GPHN: variants seen among roughly 807,000 people sequenced by gnomAD.
GPHN encodes the protein gephyrin.
A neutral mutation model predicts 95.5 loss-of-function variants in GPHN; 17 were observed. The ratio of observed to expected loss-of-function variants is 0.18; its 90% CI spans 0.12 to 0.27. The LOEUF is 0.27. GPHN is among the 10% of genes least tolerant of loss of function. GPHN has a pLI of 1.00. For synonymous variants in GPHN, 320 were observed against 322.5 expected, an observed-to-expected ratio of 0.99 and a Z score of 0.08; for missense variants, 660 against 978.1, an observed-to-expected ratio of 0.67 and a Z score of 4.34.
At chr14:66,674,688 C>T (rs9671762) in intron 1 of GPHN, among the ~76,000 whole-genome samples, 47,304 of 152,022 alleles carry the variant, frequency 0.31, 11,160 homozygotes, top group African/African-American at 0.63. Context: ...TATGTATATA[C>T]GACACATCAT....
At chr14:66,649,069 C>T (rs929016906) in intron 1 of GPHN, among the ~76,000 whole-genome samples, 14 of 152,174 alleles carry the variant, frequency 9.2e-5, no homozygotes, top group Admixed American at 2.6e-4. Context: ...TGGTGGCTCA[C>T]GCCTGTAATC....
chr14:66,887,765 T>A lies in GPHN; in HGVS notation c.389+7732T>A, dbSNP rs551867020. Among the ~76,000 whole-genome samples, 8 of 152,244 alleles carry A rather than the reference T, an allele frequency of 5.3e-5. No homozygotes were observed. The South Asian group carries it at 1.7e-3, about 32-fold the overall frequency. On this transcript the variant is annotated intron_variant, in intron 5 of 22. Coordinates refer to ENST00000478722, the MANE Select transcript of GPHN (RefSeq NM_020806.5). ...ACAATTTGAAGAGACAAAGCAAGCA[T>A]CAGAAGTAGACATGGCAGGAATGTT... is the stretch of plus-strand genomic sequence containing the variant.
chr14:67,648,254 G>A, the GPHN span: 1 of 1,502,988 alleles, frequency 6.7e-7, no homozygotes, highest in African/African-American at 1.4e-5. Context: ...GCCTGCAAAG[G>A]ATCTTTTCTG....
chr14:66,823,584 A>G lies in GPHN; in HGVS notation c.202-890A>G, dbSNP rs568885394. 3.0e-4 allele frequency among the ~76,000 whole-genome samples: 46 copies of G among 152,294 alleles called. 1 individual carries two copies. In the South Asian group the frequency reaches 7.3e-3, roughly 24 times the overall value. On this transcript the variant is annotated intron_variant, in intron 3 of 22. Transcript: ENST00000478722. Reference sequence around the variant, plus strand: ...GCCATTAATTAATCATTGCACAGAAAAGTTCCCTTCATTTGGAGCTCTGAG... The same window carrying G: ...GCCATTAATTAATCATTGCACAGAAGAGTTCCCTTCATTTGGAGCTCTGAG...
At chr14:67,641,571 T>G in the GPHN span, among the ~76,000 whole-genome samples, 1 of 152,244 alleles carries the variant, frequency 6.6e-6, no homozygotes, top group Non-Finnish European at 1.5e-5. Context: ...ATGCCTGGGA[T>G]CTTGTAAATA....
At chr14:67,063,748 A>T (rs1695814725) in intron 11 of GPHN, among the ~76,000 whole-genome samples, 1 of 152,166 alleles carries the variant, frequency 6.6e-6, no homozygotes, top group Non-Finnish European at 1.5e-5. Context: ...TTATTGGTGT[A>T]TAGGAATGCT....
chr14:67,121,445 A>G (rs1028705445), intron 16 of GPHN, among the ~76,000 whole-genome samples: 1 of 152,150 alleles, frequency 6.6e-6, no homozygotes, highest in African/African-American at 2.4e-5. Context: ...CTGAATGTTC[A>G]TTATCTCACT....
Position 66,523,566 on chromosome 14 carries a change from T to G in GPHN, c.64+14975T>G, listed in dbSNP as rs75468917. On this transcript the variant is annotated intron_variant, in intron 1 of 22. Transcript: ENST00000478722. ...GATACTCAGAATAGTAGGTGGGCTC[T>G]GGATTAGACCACCTGGGTTTATACC... is the stretch of plus-strand genomic sequence containing the variant. 3.4e-4 allele frequency among the ~76,000 whole-genome samples: 52 copies of G among 152,248 alleles called. No individual in the cohort carries two copies. In the East Asian group the frequency reaches 5.4e-3, roughly 16 times the overall value.
At chr14:66,961,900 G>GTGTATATA (rs1177915817) in intron 8 of GPHN, among the ~76,000 whole-genome samples, 98 of 52,996 alleles carry the variant, frequency 1.8e-3, no homozygotes, top group Middle Eastern at 0.011. Flanking sequence ...CCCTGAATGT[G>GTGTATATA]TATATATATA....
chr14:67,290,891 A>G, the GPHN span, among the ~76,000 whole-genome samples: 3 of 152,216 alleles, frequency 2.0e-5, no homozygotes, highest in Non-Finnish European at 4.4e-5. Context: ...AGGAAAAATA[A>G]AGTTAAATTT....
the GPHN span, among the ~76,000 whole-genome samples, chr14:67,234,651 G>A: frequency 6.6e-6 from 1 of 152,060 alleles, no homozygotes; most frequent in Non-Finnish European, 1.5e-5. Context: ...CTGGGTTCAA[G>A]CGATTCTCCT....
chr14:66,985,650 C>T, intron 9 of GPHN: 1 of 1,441,368 alleles, frequency 6.9e-7, no homozygotes, highest in Non-Finnish European at 9.4e-7. Context: ...TTTCTTTATT[C>T]TGTCTTTCTT....
chr14:67,085,666 GT>G (rs1410416271), intron 11 of GPHN, among the ~76,000 whole-genome samples: 1 of 152,168 alleles, frequency 6.6e-6, no homozygotes, highest in African/African-American at 2.4e-5. Context: ...CAGATTTGTA[GT>G]TTTTTGTTGT....
the GPHN span, among the ~76,000 whole-genome samples, chr14:67,206,518 AAAACCTAATTTTT>A: frequency 1.3e-5 from 2 of 152,152 alleles, no homozygotes; most frequent in Non-Finnish European, 2.9e-5. Context: ...AACAAACAAA[AAAACCTAATTTTT>A]AATTAGGAAA....
chr14:66,877,436 G>A lies in GPHN; in HGVS notation c.295-2503G>A, dbSNP rs143592644. Among the ~76,000 whole-genome samples the A allele has an allele frequency of 9.8e-3, 1,486 of 152,286 alleles. 9 individuals are homozygous for A. Among genetic ancestry groups the A allele is most frequent in the Non-Finnish European group, 0.015 (994 of 68,014 alleles). On this transcript the variant is annotated intron_variant, in intron 4 of 22. Transcript: ENST00000478722. The stretch of plus-strand genomic sequence containing the variant: ...AAAGGGTATTCAAATAAGAAGAGAG[G>A]AAGTCAAATTGTCTGTTTGCAGATG...
At chr14:66,786,766 A>G (rs1378672497) in intron 3 of GPHN, among the ~76,000 whole-genome samples, 1 of 152,144 alleles carries the variant, frequency 6.6e-6, no homozygotes, top group Non-Finnish European at 1.5e-5. Flanking sequence ...CGAGCTAAAG[A>G]TGAAAAATCA....
At chr14:66,802,094 C>G (rs1566960636) in intron 3 of GPHN, among the ~76,000 whole-genome samples, 1 of 152,128 alleles carries the variant, frequency 6.6e-6, no homozygotes, top group Non-Finnish European at 1.5e-5. Flanking sequence ...TAGGTGCCAT[C>G]CAGGAGCCAG....
intron 11 of GPHN, among the ~76,000 whole-genome samples, chr14:67,088,516 T>C (rs78713446): frequency 0.027 from 4,139 of 152,248 alleles, 76 homozygotes; most frequent in Non-Finnish European, 0.036. Context: ...TAAGTACCTA[T>C]ATTGTTGATA....
intron 8 of GPHN, among the ~76,000 whole-genome samples, chr14:66,939,570 A>C (rs1306539072): frequency 1.3e-5 from 2 of 152,084 alleles, no homozygotes; most frequent in African/African-American, 4.8e-5. Flanking sequence ...CGCAAGCTGA[A>C]GACCCCAGGC....
Sources: allele counts gnomAD v4.1 joint callset (sites outside exome capture counted in the v4.1 genomes callset), GRCh38; gene constraint gnomAD v4.1.1; transcripts MANE v1.5; gene names NCBI Gene and HGNC (gene_info 2026-07-23, HGNC 2026-07-21).